Variants in GMDS observed in about 807,000 individuals in gnomAD.
GMDS encodes GDP-mannose 4,6 dehydratase.
Under a neutral mutation model 49.9 loss-of-function variants are expected in GMDS, and 20 were observed. That is an observed-to-expected ratio of 0.40 (90% CI 0.28 to 0.58). The LOEUF (loss-of-function observed/expected upper bound fraction) is 0.58, where lower values mean the gene tolerates loss of function less well. Ranked by LOEUF, GMDS falls within the 20% of genes least tolerant of loss-of-function variation. The pLI, the probability that GMDS is intolerant of heterozygous loss-of-function variation, is 0.42. For missense variants in GMDS, 362 were observed against 481.4 expected (o/e 0.75, Z 2.32); for synonymous variants, 177 against 178.6 (o/e 0.99, Z 0.07).
chr6:1,941,048 A>G (rs979268987), intron 6 of GMDS, among the ~76,000 whole-genome samples: 1 of 136,306 alleles, frequency 7.3e-6, no homozygotes, highest in Non-Finnish European at 1.6e-5. Flanking sequence ...AAACAACCCC[A>G]CAAAGACAAA....
At chr6:1,887,210 C>A (rs147976908) in intron 7 of GMDS, among the ~76,000 whole-genome samples, 51 of 152,208 alleles carry the variant, frequency 3.4e-4, no homozygotes, top group African/African-American at 1.2e-3. Context: ...AAGTAGATAT[C>A]ATTACCACTT....
chr6:1,844,240 G>A (rs1757283851), intron 7 of GMDS, among the ~76,000 whole-genome samples: 2 of 152,212 alleles, frequency 1.3e-5, no homozygotes, highest in South Asian at 4.1e-4. Context: ...ATTTTTCCTA[G>A]TGTGGTATAT....
At chr6:1,668,583 G>A (rs1013331665) in intron 9 of GMDS, among the ~76,000 whole-genome samples, 2 of 151,998 alleles carry the variant, frequency 1.3e-5, no homozygotes, top group Admixed American at 6.6e-5. Flanking sequence ...GGTGGTGCAC[G>A]CCTGTAATCC....
chr6:1,719,441 G>A, intron 9 of GMDS, among the ~76,000 whole-genome samples: 1 of 152,154 alleles, frequency 6.6e-6, no homozygotes, highest in East Asian at 1.9e-4. Context: ...GAAGGTGCTG[G>A]GAAAACAATC....
At chr6:1,744,592 G>A (rs1344644703) in intron 7 of GMDS, among the ~76,000 whole-genome samples, 1 of 149,556 alleles carries the variant, frequency 6.7e-6, no homozygotes, top group Non-Finnish European at 1.5e-5. Context: ...TTAAACACTG[G>A]GGGCTGAGGA....
chr6:1,733,394 GGGTGA>G (rs1472584456), intron 8 of GMDS, among the ~76,000 whole-genome samples: 1 of 152,250 alleles, frequency 6.6e-6, no homozygotes, highest in Non-Finnish European at 1.5e-5. Flanking sequence ...TGAATGGATG[GGGTGA>G]GGCTGTGTGT....
chr6:1,773,600 C>A (rs956006443), intron 7 of GMDS, among the ~76,000 whole-genome samples: 3 of 152,180 alleles, frequency 2.0e-5, no homozygotes, highest in Admixed American at 1.3e-4. Flanking sequence ...AAGGGCTCGA[C>A]TGGCTCGGAA....
chr6:1,657,738 G>T (rs1368794261), intron 9 of GMDS, among the ~76,000 whole-genome samples: 1 of 150,686 alleles, frequency 6.6e-6, no homozygotes, highest in East Asian at 2.0e-4. Context: ...CAGGTGCCCC[G>T]CACTCACCAA....
Position 2,087,654 on chromosome 6 carries a change from C to A in GMDS, c.345+28117G>T, listed in dbSNP as rs9501802. On this transcript the variant is annotated intron_variant, in intron 4 of 10. Transcript: ENST00000380815. ...AATGACTGCTGTGGTAAGTAAACTT[C>A]ATGTTTTAGCACTTAGCCACACGCA... Among the ~76,000 whole-genome samples, 1,078 of 152,314 alleles carry A rather than the reference C, an allele frequency of 7.1e-3. 16 individuals are homozygous for A. The highest frequency in any genetic ancestry group is 0.025 in the African/African-American group (1,024 of 41,560).
intron 1 of GMDS, among the ~76,000 whole-genome samples, chr6:2,146,240 A>C (rs568520863): frequency 3.3e-5 from 5 of 152,324 alleles, no homozygotes; most frequent in African/African-American, 1.2e-4. Context: ...TTACAAGATC[A>C]ACAGTCATTT....
At position 2,223,453 on chromosome 6, in the gene GMDS, T is replaced by A. The variant is rs189031789; in HGVS notation, c.102+21868A>T. Among the ~76,000 whole-genome samples the A allele has an allele frequency of 1.9e-4, 24 of 125,404 alleles. 1 individual carries two copies. In the East Asian group the frequency reaches 4.2e-3, roughly 22 times the overall value. The allele number at this position is 125,404 out of a possible 152,430, so 82.3% of individuals were successfully genotyped here. On this transcript the variant is annotated intron_variant, in intron 1 of 10. Coordinates refer to ENST00000380815, the MANE Select transcript of GMDS (RefSeq NM_001500.4). ...GATGGTCACTCCAGCTAAAACTCAC[T>A]GGCAGCAAATGAATGGAAAAAAAAA...
chr6:1,738,834 C>T (rs1041134460), intron 8 of GMDS, among the ~76,000 whole-genome samples: 3 of 152,226 alleles, frequency 2.0e-5, no homozygotes, highest in African/African-American at 7.2e-5. Flanking sequence ...TGCAGATCCT[C>T]CTCATCCTTA....
intron 7 of GMDS, among the ~76,000 whole-genome samples, chr6:1,791,809 AT>A (rs566276970): frequency 1.2e-4 from 18 of 152,298 alleles, no homozygotes; most frequent in South Asian, 4.1e-4. Context: ...CAAATGACAC[AT>A]TTTTTAATGA....
At chr6:1,838,145 A>C (rs1339167573) in intron 7 of GMDS, among the ~76,000 whole-genome samples, 7 of 152,196 alleles carry the variant, frequency 4.6e-5, no homozygotes, top group Admixed American at 1.3e-4. Context: ...AAAAGGGAGG[A>C]GGCTTTGCTC....
chr6:2,144,337 CG>C (rs1334769109), intron 1 of GMDS, among the ~76,000 whole-genome samples: 11 of 152,308 alleles, frequency 7.2e-5, no homozygotes, highest in African/African-American at 2.6e-4. Flanking sequence ...ACAGGAGGCC[CG>C]CCATGCAGGC....
At chr6:2,031,020 C>G (rs1768923641) in intron 4 of GMDS, among the ~76,000 whole-genome samples, 1 of 152,180 alleles carries the variant, frequency 6.6e-6, no homozygotes, top group Non-Finnish European at 1.5e-5. Context: ...GTCACAAATT[C>G]AAATGCAAGC....
At chr6:2,010,156 G>A (rs534484400) in intron 4 of GMDS, among the ~76,000 whole-genome samples, 282 of 151,854 alleles carry the variant, frequency 1.9e-3, no homozygotes, top group African/African-American at 4.6e-3. Context: ...GTGAAACCCC[G>A]TCTCCACTAA....
intron 9 of GMDS, among the ~76,000 whole-genome samples, chr6:1,656,590 C>G (rs1240804277): frequency 6.6e-6 from 1 of 151,922 alleles, no homozygotes; most frequent in Admixed American, 6.6e-5. Context: ...GGTGAAACCC[C>G]GTCTCTACTA....
intron 9 of GMDS, among the ~76,000 whole-genome samples, chr6:1,688,946 A>T (rs966619316): frequency 6.6e-6 from 1 of 152,198 alleles, no homozygotes; most frequent in African/African-American, 2.4e-5. Context: ...CTTAAAACTG[A>T]CATTAGAGAA....
Sources: allele counts gnomAD v4.1 joint callset (sites outside exome capture counted in the v4.1 genomes callset), GRCh38; gene constraint gnomAD v4.1.1; transcripts MANE v1.5; gene names NCBI Gene and HGNC (gene_info 2026-07-23, HGNC 2026-07-21).